The following AFDN variants were observed in gnomAD, a reference collection of about 807,000 sequenced individuals.
AFDN encodes afadin, adherens junction formation factor.
A neutral mutation model predicts 216.6 loss-of-function variants in AFDN; 68 were observed. That is an observed-to-expected ratio of 0.31 (90% CI 0.26 to 0.38). AFDN has a LOEUF of 0.38. Ranked by LOEUF, AFDN falls within the 10% of genes least tolerant of loss-of-function variation. AFDN has a pLI of 1.00. For missense variants in AFDN, 2,136 were observed against 2,342.0 expected (o/e 0.91, Z 1.82); for synonymous variants, 868 against 853.7 (o/e 1.02, Z -0.29).
chr6:167,828,994 G>T (rs1779532323), intron 1 of AFDN, among the ~76,000 whole-genome samples: 1 of 151,884 alleles, frequency 6.6e-6, no homozygotes, highest in African/African-American at 2.4e-5. Flanking sequence ...AAATTGGCCT[G>T]TCATTTGGAA....
At position 167,890,858 on chromosome 6, in the gene AFDN, C is replaced by T. The variant is rs747892564; in HGVS notation, c.1010-4C>T. On this transcript the variant is annotated splice_polypyrimidine_tract_variant and splice_region_variant and intron_variant, in intron 7 of 33. Coordinates refer to ENST00000683244, the MANE Select transcript of AFDN (RefSeq NM_001386888.1). ...CCTGATGATTTCCCATGCTGCTGTT[C>T]TAGGGATTTTAGTCTTTCAGTTGAA... 1.2e-6 allele frequency: 2 copies of T among 1,612,684 alleles called. No homozygotes were observed. Among genetic ancestry groups the T allele is most frequent in the Non-Finnish European group, 1.7e-6 (2 of 1,179,368 alleles).
At chr6:167,924,970 C>A in intron 22 of AFDN, 35 bp from the exon 23 acceptor site, 1 of 1,449,746 alleles carries the variant, frequency 6.9e-7, no homozygotes, top group Non-Finnish European at 9.7e-7. Context: ...ACTTCCATTT[C>A]AGTCATAAAA....
intron 23 of AFDN, among the ~76,000 whole-genome samples, chr6:167,939,311 A>G (rs1794401817): frequency 6.6e-6 from 1 of 152,210 alleles, no homozygotes; most frequent in African/African-American, 2.4e-5. Context: ...TGAGGTGCCC[A>G]TTCTCACTGA....
At chr6:167,871,084 T>C (rs1380724194) in intron 3 of AFDN, among the ~76,000 whole-genome samples, 2 of 152,122 alleles carry the variant, frequency 1.3e-5, no homozygotes, top group East Asian at 3.8e-4. Context: ...AAGAATATTT[T>C]TATGAAAAAT....
intron 30 of AFDN, among the ~76,000 whole-genome samples, chr6:167,958,268 A>G (rs1796712607): frequency 6.6e-6 from 1 of 152,220 alleles, no homozygotes; most frequent in Non-Finnish European, 1.5e-5. Context: ...CATATATGCA[A>G]ATAGTCCAAA....
chr6:167,903,579 T>C (rs1341218253), intron 12 of AFDN, among the ~76,000 whole-genome samples: 4 of 152,218 alleles, frequency 2.6e-5, no homozygotes, highest in East Asian at 1.9e-4. Context: ...GTGTGATTTA[T>C]TGAATGCCAT....
intron 1 of AFDN, among the ~76,000 whole-genome samples, chr6:167,847,645 T>C (rs550383026): frequency 5.5e-4 from 83 of 152,286 alleles, no homozygotes; most frequent in Admixed American, 4.5e-3. Flanking sequence ...TTTCAAAATA[T>C]TTTTATAATT....
At chr6:167,948,129 G>T (rs1795543031) in intron 28 of AFDN, 164 bp from the exon 29 acceptor site, 3 of 787,762 alleles carry the variant, frequency 3.8e-6, no homozygotes, top group Non-Finnish European at 3.9e-6. Flanking sequence ...AAATTAATAA[G>T]TCTGGGCAAA....
intron 11 of AFDN, among the ~76,000 whole-genome samples, chr6:167,901,328 ACT>A (rs1045486578): frequency 1.9e-4 from 29 of 151,764 alleles, no homozygotes; most frequent in African/African-American, 7.0e-4. Flanking sequence ...TGGGGAGGGC[ACT>A]CTCCAATGAG....
intron 13 of AFDN, among the ~76,000 whole-genome samples, chr6:167,909,530 C>T (rs1011241164): frequency 3.3e-5 from 5 of 152,030 alleles, no homozygotes; most frequent in African/African-American, 9.7e-5. Context: ...AATGAGTGGA[C>T]CAGCAATTCC....
chr6:167,922,510 T>G (rs1791957211), intron 21 of AFDN, among the ~76,000 whole-genome samples: 1 of 152,228 alleles, frequency 6.6e-6, no homozygotes, highest in Non-Finnish European at 1.5e-5. Context: ...GTAGGTATTC[T>G]GAATGTTATT....
chr6:167,891,560 C>T (rs1056522715), intron 8 of AFDN, among the ~76,000 whole-genome samples: 2 of 151,914 alleles, frequency 1.3e-5, no homozygotes, highest in African/African-American at 4.8e-5. Context: ...AAGTAACAGA[C>T]TACATTTATT....
rs1457290002 is a variant in AFDN, at chr6:167,911,088, TTTC to T, written c.1770-7_1770-5del. The T allele has an allele frequency of 2.5e-6, 4 of 1,608,898 alleles. No individual in the cohort carries two copies. In the South Asian group the frequency reaches 3.4e-5, roughly 14 times the overall value. On this transcript the variant is annotated splice_polypyrimidine_tract_variant and intron_variant, in intron 13 of 33. Transcript: ENST00000683244. ...TGACCTTATTTTAAGTGATGTCAGC[TTTC>T]TTCTTTTAGAACACAGGATGCTTCT...
chr6:167,891,158 T>A (rs879107980), intron 8 of AFDN, 129 bp downstream of exon 8: 5 of 643,844 alleles, frequency 7.8e-6, no homozygotes, highest in Non-Finnish European at 7.1e-6. Flanking sequence ...TTTATTTTTT[T>A]AAAAGTAACT....
chr6:167,903,160 C>G (rs1388737946), intron 12 of AFDN, among the ~76,000 whole-genome samples: 1 of 152,200 alleles, frequency 6.6e-6, no homozygotes, highest in Non-Finnish European at 1.5e-5. Flanking sequence ...TTTTCATTCT[C>G]TATTACTGGA....
rs754140439 is a variant in AFDN at position 167,951,528 on chromosome 6, G to A, written c.4174G>A (p.Asp1392Asn). ...CGGTGATTTCGATGGAATGTCCATG[G>A]ATTTGCCTCTCCCACCACCCCCTTC... is the stretch of plus-strand genomic sequence containing the variant. Reference protein sequence around the residue: ...YAGDFDGMSMDLPLPPPPSAN... With the variant: ...YAGDFDGMSMNLPLPPPPSAN... The change falls in exon 30 of 34, where the codon GAT becomes AAT. Residue 1392 changes from aspartate to asparagine, a missense_variant. Around this residue, in one of 8 missense-constraint regions of AFDN, gnomAD observed 981 missense variants for 966.0 expected, o/e 1.02. Transcript: ENST00000683244. This position sits in a 1 kb window ranked among gnomAD's most constrained non-coding sequence, Gnocchi z 7.1. 6.2e-7 allele frequency: 1 copy of A among 1,613,962 alleles called. No individual in the cohort carries two copies. Among genetic ancestry groups the A allele is most frequent in the Non-Finnish European group, 8.5e-7 (1 of 1,179,928 alleles).
chr6:167,902,795 A>T (rs1278964794), intron 12 of AFDN, among the ~76,000 whole-genome samples: 1 of 152,220 alleles, frequency 6.6e-6, no homozygotes, highest in African/African-American at 2.4e-5. Flanking sequence ...AACTGCAGAT[A>T]AGGGGGACTC....
In AFDN at chr6:167,970,162, A is replaced by C; in HGVS notation, c.*227A>C. 2 of 466,064 alleles carry C rather than the reference A, an allele frequency of 4.3e-6. No homozygotes were observed. The highest frequency in any genetic ancestry group is 6.0e-5 in the South Asian group (2 of 33,462). The allele number at this position is 466,064 out of a possible 1,614,324, so 28.9% of individuals were successfully genotyped here. On this transcript the variant is annotated 3_prime_UTR_variant, in exon 34 of 34. Coordinates refer to ENST00000683244, the MANE Select transcript of AFDN (RefSeq NM_001386888.1). ...AATTTAAACACTGTCTAGTTTCTTA[A>C]TTATCTAACTCACACGAGGGTAAGT...
At chr6:167,860,147 C>T (rs936889555) in intron 1 of AFDN, among the ~76,000 whole-genome samples, 5 of 140,618 alleles carry the variant, frequency 3.6e-5, no homozygotes, top group South Asian at 2.3e-4. Context: ...GTATTAAGTA[C>T]CTACAGCAAT....
Sources: gnomAD v4.1 joint callset for allele counts (sites outside exome capture counted in the v4.1 genomes callset) on GRCh38, gnomAD v4.1.1 for gene constraint, gnomAD v4.1.1 regional missense constraint, Gnocchi (gnomAD v3.1) non-coding constraint, MANE v1.5 for transcripts, NCBI Gene and HGNC (gene_info 2026-07-23, HGNC 2026-07-21) for gene names.